The following TAFA1 variants were observed in gnomAD, a reference collection of about 807,000 sequenced individuals.
TAFA1 encodes TAFA chemokine like family member 1, also known as chemokine-like protein TAFA-1.
Under a neutral mutation model 18.5 loss-of-function variants are expected in TAFA1, and 4 were observed. The observed-to-expected ratio is 0.22, with a 90% CI of 0.11 to 0.49. The LOEUF (loss-of-function observed/expected upper bound fraction) is 0.49, where lower values mean the gene tolerates loss of function less well. Among genes scored for constraint, TAFA1 ranks in the 20% least tolerant of loss-of-function variants. TAFA1 has a pLI of 0.98. For synonymous variants in TAFA1, 56 were observed against 55.2 expected (o/e 1.01, Z -0.06); for missense variants, 147 against 169.0 (o/e 0.87, Z 0.72).
At chr3:68,172,989 C>G (rs1018154635) in intron 2 of TAFA1, among the ~76,000 whole-genome samples, 6 of 151,942 alleles carry the variant, frequency 3.9e-5, no homozygotes, top group African/African-American at 1.5e-4. Context: ...AAAGCCACAG[C>G]TCTTTTGCAA....
At chr3:68,224,771 A>G (rs2066775258) in intron 2 of TAFA1, among the ~76,000 whole-genome samples, 1 of 152,032 alleles carries the variant, frequency 6.6e-6, no homozygotes, top group Admixed American at 6.6e-5. Context: ...GCTCATATAA[A>G]TAGTCAATAA....
intron 2 of TAFA1, among the ~76,000 whole-genome samples, chr3:68,415,233 C>T (rs2070806180): frequency 1.3e-5 from 2 of 152,158 alleles, no homozygotes; most frequent in South Asian, 4.1e-4. Flanking sequence ...AAGGTGGTTG[C>T]CCTAGAGAAA....
At chr3:68,518,818 A>G (rs375212794) in intron 3 of TAFA1, among the ~76,000 whole-genome samples, 2 of 152,176 alleles carry the variant, frequency 1.3e-5, no homozygotes, top group African/African-American at 4.8e-5. Flanking sequence ...AACCAGAGGG[A>G]AAAAAATTGG....
chr3:68,431,129 C>T (rs144255050), intron 3 of TAFA1, among the ~76,000 whole-genome samples: 32 of 151,952 alleles, frequency 2.1e-4, no homozygotes, highest in East Asian at 1.9e-3. Context: ...TACCAAAGGA[C>T]GCCTGACCAG....
chr3:68,018,530 C>T (rs1323033155), intron 2 of TAFA1, among the ~76,000 whole-genome samples: 1 of 152,112 alleles, frequency 6.6e-6, no homozygotes, highest in Non-Finnish European at 1.5e-5. Context: ...ACTACAGTTA[C>T]CCAGTAGTAA....
At chr3:68,010,512 C>T (rs995935042) in intron 2 of TAFA1, among the ~76,000 whole-genome samples, 3 of 152,152 alleles carry the variant, frequency 2.0e-5, no homozygotes, top group African/African-American at 7.2e-5. Context: ...TGTGATCTGT[C>T]TTCTCAATGC....
In TAFA1 at chr3:68,287,183, A is replaced by C. The variant is rs890248648; in HGVS notation, c.119-130097A>C. Among the ~76,000 whole-genome samples, 11 of 152,242 alleles carry C rather than the reference A, an allele frequency of 7.2e-5. No individual in the cohort carries two copies. The South Asian group carries it at 2.3e-3, about 32-fold the overall frequency. On this transcript the variant is annotated intron_variant, in intron 2 of 4. Coordinates refer to ENST00000478136, the MANE Select transcript of TAFA1 (RefSeq NM_213609.4). ...TTGCTTTTCCTTACTCCTGAATTGAATTATCACCTTCCTGAAAAACCGCGT... is the reference window on the plus strand; with the variant it reads ...TTGCTTTTCCTTACTCCTGAATTGACTTATCACCTTCCTGAAAAACCGCGT...
intron 2 of TAFA1, among the ~76,000 whole-genome samples, chr3:68,393,684 C>T (rs1362109464): frequency 6.6e-6 from 1 of 152,134 alleles, no homozygotes; most frequent in Non-Finnish European, 1.5e-5. Context: ...TCAGCTTCAT[C>T]CCGAGGATGC....
chr3:68,024,694 T>C (rs1360999945), intron 2 of TAFA1, among the ~76,000 whole-genome samples: 2 of 152,028 alleles, frequency 1.3e-5, no homozygotes, highest in African/African-American at 4.8e-5. Flanking sequence ...TCAGGTTTAG[T>C]TTTGTGAAAC....
At chr3:68,192,969 A>G (rs572513048) in intron 2 of TAFA1, among the ~76,000 whole-genome samples, 183 of 151,896 alleles carry the variant, frequency 1.2e-3, no homozygotes, top group Non-Finnish European at 2.2e-3. Context: ...AAACATACAA[A>G]GCAAAGTTGA....
intron 2 of TAFA1, among the ~76,000 whole-genome samples, chr3:68,313,651 C>A (rs1384753717): frequency 6.6e-6 from 1 of 152,214 alleles, no homozygotes; most frequent in African/African-American, 2.4e-5. Flanking sequence ...GATGTATTAT[C>A]TTTCTGCAGT....
chr3:68,492,588 A>G (rs17243134), intron 3 of TAFA1, among the ~76,000 whole-genome samples: 29,475 of 152,132 alleles, frequency 0.19, 2,980 homozygotes, highest in Non-Finnish European at 0.21. Context: ...TCTTTGATTC[A>G]TGACTTTATG....
At chr3:68,172,795 A>C (rs911039999) in intron 2 of TAFA1, among the ~76,000 whole-genome samples, 5 of 152,174 alleles carry the variant, frequency 3.3e-5, no homozygotes, top group Non-Finnish European at 5.9e-5. Flanking sequence ...TTATTTATTG[A>C]TTAAAAAAAA....
chr3:68,334,582 T>C (rs2068938907), intron 2 of TAFA1, among the ~76,000 whole-genome samples: 1 of 152,158 alleles, frequency 6.6e-6, no homozygotes, highest in Non-Finnish European at 1.5e-5. Flanking sequence ...GACTCACTAG[T>C]TCTGAGGCAT....
At chr3:68,493,787 T>C (rs751056855) in intron 3 of TAFA1, among the ~76,000 whole-genome samples, 1 of 152,250 alleles carries the variant, frequency 6.6e-6, no homozygotes, top group Non-Finnish European at 1.5e-5. Flanking sequence ...TGAAGGCTGA[T>C]GAAACATTAC....
intron 2 of TAFA1, among the ~76,000 whole-genome samples, chr3:68,106,329 C>T (rs1247006468): frequency 1.3e-5 from 2 of 152,016 alleles, no homozygotes; most frequent in African/African-American, 2.4e-5. Flanking sequence ...AAGTGATCAG[C>T]GGCTGTTCTG....
chr3:68,139,388 C>T (rs1357449407), intron 2 of TAFA1, among the ~76,000 whole-genome samples: 1 of 152,094 alleles, frequency 6.6e-6, no homozygotes, highest in Non-Finnish European at 1.5e-5. Flanking sequence ...TAATAATGTA[C>T]TGTAAGCATT....
chr3:68,490,796 T>C (rs1006548664), intron 3 of TAFA1, among the ~76,000 whole-genome samples: 4 of 148,326 alleles, frequency 2.7e-5, no homozygotes, highest in African/African-American at 1.0e-4. Context: ...TATCAATAGA[T>C]GAACAAAGTT....
chr3:68,498,894 T>G (rs1405720300), intron 3 of TAFA1, among the ~76,000 whole-genome samples: 1 of 152,064 alleles, frequency 6.6e-6, no homozygotes, highest in African/African-American at 2.4e-5. Context: ...AAAGGAGATA[T>G]ATTTTTTAAC....
Sources: allele counts gnomAD v4.1 joint callset (sites outside exome capture counted in the v4.1 genomes callset), GRCh38; gene constraint gnomAD v4.1.1; transcripts MANE v1.5; gene names NCBI Gene and HGNC (gene_info 2026-07-23, HGNC 2026-07-21).